Variants in SLC27A4 observed in about 807,000 individuals in gnomAD.
The protein encoded by SLC27A4 is solute carrier family 27 member 4, also known as long-chain fatty acid transport protein 4.
Under a neutral mutation model 64.4 loss-of-function variants are expected in SLC27A4, and 33 were observed. The observed-to-expected ratio is 0.51, with a 90% CI of 0.39 to 0.68. The LOEUF (loss-of-function observed/expected upper bound fraction) is 0.68, where lower values mean the gene tolerates loss of function less well. Ranked by LOEUF, SLC27A4 falls within the 30% of genes least tolerant of loss-of-function variation. The probability of loss-of-function intolerance (pLI) is 0.00; values close to 1 mark genes in which losing one functional copy is unlikely to be tolerated. For missense variants in SLC27A4, 824 were observed against 883.5 expected, an observed-to-expected ratio of 0.93 and a Z score of 0.85; for synonymous variants, 377 against 370.0, an observed-to-expected ratio of 1.02 and a Z score of -0.22.
intron 4 of SLC27A4, among the ~76,000 whole-genome samples, chr9:128,349,286 T>C (rs1832701400): frequency 6.6e-6 from 1 of 152,198 alleles, no homozygotes; most frequent in Admixed American, 6.6e-5. Context: ...GGCTCAGAGC[T>C]TGGGCTGTCG....
chr9:128,343,890 A>G (rs1832614886), intron 2 of SLC27A4, among the ~76,000 whole-genome samples: 1 of 152,220 alleles, frequency 6.6e-6, no homozygotes, highest in East Asian at 1.9e-4. Context: ...AAAGAAAGGG[A>G]CACAGCACAT....
chr9:128,342,067 C>T, intron 1 of SLC27A4: 4 of 630,134 alleles, frequency 6.3e-6, no homozygotes, highest in Non-Finnish European at 1.2e-5. Flanking sequence ...GTACCCACCC[C>T]CAGGCCATCC....
chr9:128,359,309 C>T (rs1206242303), intron 12 of SLC27A4, among the ~76,000 whole-genome samples: 6 of 152,000 alleles, frequency 3.9e-5, no homozygotes, highest in Admixed American at 2.6e-4. Context: ...GGCAACATGG[C>T]GAAACCCCAT....
chr9:128,345,254 C>T lies in SLC27A4; in HGVS notation c.261C>T (p.His87=), dbSNP rs745491506. Residue 87 remains histidine, a synonymous_variant, in exon 3 of 13, where the codon CAC becomes CAT. Transcript: ENST00000300456. This position sits in a 1 kb window ranked among gnomAD's most constrained non-coding sequence, Gnocchi z 4.1. ...TGTTTGCCTCTACCGTTCGGCGCCA[C>T]CCCGACAAGACGGCCCTGATCTTCG... is the stretch of plus-strand genomic sequence containing the variant. ...PILFASTVRR[H]PDKTALIFEG... is the part of the protein sequence containing the mutation. The T allele has an allele frequency of 5.6e-6, 9 of 1,613,862 alleles. No homozygotes were observed. Among genetic ancestry groups the T allele is most frequent in the Admixed American group, 3.3e-5 (2 of 60,004 alleles).
intron 12 of SLC27A4, 106 bp from the exon 13 acceptor site, chr9:128,360,228 C>G: frequency 7.9e-7 from 1 of 1,267,936 alleles, no homozygotes; most frequent in South Asian, 1.2e-5. Flanking sequence ...CTTCCCTCCC[C>G]TGTTTGTCCT....
rs138477276 is a variant in SLC27A4, at chr9:128,344,254, A to C, written c.162-901A>C. Among the ~76,000 whole-genome samples the C allele has an allele frequency of 3.7e-3, 567 of 152,250 alleles. 17 individuals are homozygous for C. The East Asian group carries it at 0.085, about 23-fold the overall frequency. ...AGTCCAGGGCTGGGCGCAGTGGCTC[A>C]CACCTGTGATCCTAGCACTTTGGGA... On this transcript the variant is annotated intron_variant, in intron 2 of 12. Transcript: ENST00000300456.
intron 5 of SLC27A4, 45 bp downstream of exon 5, chr9:128,350,426 G>A: frequency 6.2e-7 from 1 of 1,612,488 alleles, no homozygotes; most frequent in South Asian, 1.1e-5. Flanking sequence ...GGCAGGGCTG[G>A]GGAGCCTCCT....
At chr9:128,342,958 C>T (rs1159167577) in intron 1 of SLC27A4, among the ~76,000 whole-genome samples, 169 bp from the exon 2 acceptor site, 1 of 152,162 alleles carries the variant, frequency 6.6e-6, no homozygotes, top group African/African-American at 2.4e-5. Context: ...CCTGCCCCTT[C>T]CAGGCCAAGC....
Position 128,355,076 on chromosome 9 carries a change from C to G in SLC27A4, c.1348C>G (p.Arg450Gly). 6.2e-7 allele frequency: 1 copy of G among 1,611,214 alleles called. No homozygotes were observed. Residue 450 changes from arginine to glycine, a missense_variant, in exon 10 of 13, where the codon CGC becomes GGC. By Grantham distance (125) the Arg-to-Gly change is moderately radical. Transcript: ENST00000300456. ...AGGTGAGCCGGGCCAGCTGGTGGGC[C>G]GCATCATCCAGAAAGACCCCCTGCG... is the stretch of plus-strand genomic sequence containing the variant. ...QPGEPGQLVG[R>G]IIQKDPLRRF...
chr9:128,350,726 T>A, intron 6 of SLC27A4, 151 bp downstream of exon 6: 1 of 704,066 alleles, frequency 1.4e-6, no homozygotes, highest in Non-Finnish European at 2.5e-6. Context: ...GAGGCCAAGG[T>A]GGGCGGATCA....
intron 4 of SLC27A4, 68 bp from the exon 5 acceptor site, chr9:128,350,244 T>C: frequency 3.8e-6 from 5 of 1,303,950 alleles, no homozygotes; most frequent in Non-Finnish European, 5.5e-6. Context: ...CCTGCAGGTG[T>C]CCATTTGTGT....
intron 1 of SLC27A4, chr9:128,342,225 C>T (rs752014279): frequency 9.0e-5 from 144 of 1,608,784 alleles, no homozygotes; most frequent in African/African-American, 3.7e-4. Flanking sequence ...GCTTTTCCTC[C>T]GCAACCATGT....
At chr9:128,351,124 T>G (rs1588560628) in intron 6 of SLC27A4, among the ~76,000 whole-genome samples, 1 of 147,498 alleles carries the variant, frequency 6.8e-6, no homozygotes. Context: ...ATTATCTGGG[T>G]GTGGTGGCGT....
In SLC27A4 at chr9:128,360,429, C is replaced by T. The variant is rs374181475; in HGVS notation, c.1870C>T (p.Arg624Cys). 9.9e-6 allele frequency: 16 copies of T among 1,613,960 alleles called. No homozygotes were observed. The highest frequency in any genetic ancestry group is 2.2e-5 in the East Asian group (1 of 44,896). ...GTTCTATCTAGATGCCCAGAAGGGC[C>T]GCTACGTCCCGCTGGACCAAGAGGC... is the stretch of plus-strand genomic sequence containing the variant. Reference protein sequence around the residue: ...PLFYLDAQKGRYVPLDQEAYS... With the variant: ...PLFYLDAQKGCYVPLDQEAYS... Residue 624 changes from arginine to cysteine, a missense_variant, in exon 13 of 13, where the codon CGC becomes TGC. Arg to Cys is a radical substitution (Grantham distance 180, BLOSUM62 -3). Transcript: ENST00000300456.
chr9:128,355,739 C>A lies in SLC27A4; in HGVS notation c.1717C>A (p.Leu573Met). 6.2e-7 allele frequency: 1 copy of A among 1,613,816 alleles called. No individual in the cohort carries two copies. Among genetic ancestry groups the A allele is most frequent in the South Asian group, 1.1e-5 (1 of 91,082 alleles). ...CTTTGCTCAGGTCTTGGAGAAGGAACTGCCCCTGTATGCGCGCCCCATCTT... is the reference window on the plus strand; with the variant it reads ...CTTTGCTCAGGTCTTGGAGAAGGAAATGCCCCTGTATGCGCGCCCCATCTT... ...ERFAQVLEKE[L>M]PLYARPIFLR... Residue 573 changes from leucine (L) to methionine (M), a missense_variant, in exon 12 of 13, where the codon CTG becomes ATG. Transcript: ENST00000300456.
chr9:128,342,493 C>A, intron 1 of SLC27A4: 2 of 1,255,396 alleles, frequency 1.6e-6, no homozygotes, highest in South Asian at 2.4e-5. Context: ...TATGCTGCCC[C>A]TTTCACATCA....
In SLC27A4 at chr9:128,345,516, C is replaced by G; in HGVS notation, c.523C>G (p.Arg175Gly). The G allele has an allele frequency of 6.2e-7, 1 of 1,609,190 alleles. No individual in the cohort carries two copies. The highest frequency in any genetic ancestry group is 8.5e-7 in the Non-Finnish European group (1 of 1,178,424). Residue 175 changes from arginine (R) to glycine (G), a missense_variant, in exon 3 of 13, where the codon CGG becomes GGG. Arg to Gly is a moderately radical substitution (Grantham distance 125, BLOSUM62 -2). Coordinates refer to ENST00000300456, the MANE Select transcript of SLC27A4 (RefSeq NM_005094.4). The surrounding 1 kb of genome is among the most constrained non-coding windows in gnomAD (Gnocchi z 4.1). ...CCACTGCCTCACCACCTCGCGCGCA[C>G]GGGCCCTTGTCTTTGGCAGCGAAAT... ...LLHCLTTSRA[R>G]ALVFGSEMAS...
chr9:128,350,624 G>T (rs975143910), intron 6 of SLC27A4, 49 bp downstream of exon 6: 16 of 1,394,568 alleles, frequency 1.1e-5, no homozygotes, highest in Middle Eastern at 1.8e-4. Flanking sequence ...AGGTCTCTAG[G>T]AACCCCACCC....
At position 128,353,067 on chromosome 9, in the gene SLC27A4, C is replaced by T; in HGVS notation, c.1030C>T (p.Gln344Ter). The T allele has an allele frequency of 6.2e-7, 1 of 1,614,118 alleles. No individual in the cohort carries two copies. Among genetic ancestry groups the T allele is most frequent in the East Asian group, 2.2e-5 (1 of 44,880 alleles). The part of the protein sequence containing the change: ...IGELCRYLLN[Q>*]PPREAENQHQ... ...TGAACTGTGCCGCTACCTCCTGAAC[C>T]AGCCACCGCGGGAGGCAGAAAACCA... The change falls in exon 8 of 13, where the codon CAG becomes TAG. Residue 344 changes from glutamine (Q) to a stop codon, truncating the protein, a stop_gained. Coordinates refer to ENST00000300456, the MANE Select transcript of SLC27A4 (RefSeq NM_005094.4). LOFTEE classifies it high-confidence loss of function. This position sits in a 1 kb window ranked among gnomAD's most constrained non-coding sequence, Gnocchi z 4.9.
Sources: gnomAD v4.1 joint callset for allele counts (sites outside exome capture counted in the v4.1 genomes callset) on GRCh38, gnomAD v4.1.1 for gene constraint, Gnocchi (gnomAD v3.1) non-coding constraint, MANE v1.5 for transcripts, NCBI Gene and HGNC (gene_info 2026-07-23, HGNC 2026-07-21) for gene names.